Variants in TTF2 observed in about 807,000 individuals in gnomAD.
The protein encoded by TTF2 is transcription termination factor 2.
TTF2 carries 108 observed loss-of-function variants against 142.4 expected under a neutral mutation model. That is an observed-to-expected ratio of 0.76 (90% CI 0.65 to 0.89). The LOEUF (loss-of-function observed/expected upper bound fraction) is 0.89. TTF2 is among the 40% of genes least tolerant of loss of function. The pLI is 0.00. For missense variants in TTF2, 1,327 were observed against 1,379.8 expected (o/e 0.96, Z 0.61); for synonymous variants, 483 against 506.2 (o/e 0.95, Z 0.61).
chr1:117,067,768 A>G (rs1347660468), intron 3 of TTF2, among the ~76,000 whole-genome samples: 4 of 152,144 alleles, frequency 2.6e-5, no homozygotes, highest in Non-Finnish European at 5.9e-5. Flanking sequence ...CCTTTCCCTC[A>G]CATACTCTGG....
Position 117,070,976 on chromosome 1 carries a change from T to C in TTF2, c.219-2685T>C, listed in dbSNP as rs953099041. On this transcript the variant is annotated intron_variant, in intron 3 of 22. Transcript: ENST00000369466. This position sits in a 1 kb window ranked among gnomAD's most constrained non-coding sequence, Gnocchi z 4.2. ...TCATGTTGTACATCATGGGACTAAT[T>C]TAGGAAGTTAGAAAAAGAACAATAA... Among the ~76,000 whole-genome samples, 2 of 151,860 alleles carry C rather than the reference T, an allele frequency of 1.3e-5. No homozygotes were observed. The highest frequency in any genetic ancestry group is 2.9e-5 in the Non-Finnish European group (2 of 67,956).
At chr1:117,091,973 T>C in intron 17 of TTF2, 23 bp downstream of exon 17, 1 of 1,600,168 alleles carries the variant, frequency 6.2e-7, no homozygotes. Context: ...CTCAGCCTGC[T>C]GTCATATAGT....
chr1:117,095,012 A>G (rs1289667), intron 18 of TTF2, among the ~76,000 whole-genome samples: 123,887 of 152,090 alleles, frequency 0.81, 51,157 homozygotes, highest in South Asian at 0.92. Flanking sequence ...TGAGGAGGGC[A>G]TGGTGAGAAA....
Position 117,105,378 on chromosome 1 carries a change from G to A in TTF2, c.*3854G>A, listed in dbSNP as rs1445740939. ...TTGATCAAATAGGAGTATTGTGCAT[G>A]CCGCAGCTAGACAGAGTCCTGGGCC... On this transcript the variant is annotated 3_prime_UTR_variant, in exon 23 of 23. Transcript: ENST00000369466. The surrounding 1 kb of genome is among the most constrained non-coding windows in gnomAD (Gnocchi z 4.7). The A allele has an allele frequency of 6.6e-6, 1 of 152,216 alleles. No individual in the cohort carries two copies. The highest frequency in any genetic ancestry group is 1.5e-5 in the Non-Finnish European group (1 of 68,064). 9.4% of individuals were successfully genotyped at this position (152,216 alleles called of 1,614,324 possible).
chr1:117,068,519 T>C (rs1038567046), intron 3 of TTF2, among the ~76,000 whole-genome samples: 13 of 150,010 alleles, frequency 8.7e-5, no homozygotes, highest in South Asian at 8.4e-4. Context: ...ATTGTGCACA[T>C]GTACCCTAGA....
chr1:117,077,814 G>C (rs1173588477), intron 7 of TTF2, 102 bp from the exon 8 acceptor site: 13 of 1,467,778 alleles, frequency 8.9e-6, no homozygotes, highest in Non-Finnish European at 1.1e-5. Context: ...TTAACAAGGA[G>C]GGTAAGAAAC....
chr1:117,100,846 C>T lies in TTF2; in HGVS notation c.3345-534C>T, dbSNP rs373889730. Among the ~76,000 whole-genome samples the T allele has an allele frequency of 2.6e-5, 4 of 152,276 alleles. No homozygotes were observed. The East Asian group carries it at 5.8e-4, about 22-fold the overall frequency. ...ATTGTTTATTTTCATGTTTGTCTCG[C>T]TTTTGTTCTGCTTTGGAGCAAGACT... On this transcript the variant is annotated intron_variant, in intron 22 of 22. Coordinates refer to ENST00000369466, the MANE Select transcript of TTF2 (RefSeq NM_003594.4). The surrounding 1 kb of genome is among the most constrained non-coding windows in gnomAD (Gnocchi z 4.6).
intron 18 of TTF2, 25 bp from the exon 19 acceptor site, chr1:117,095,282 TAC>T: frequency 6.2e-7 from 1 of 1,613,088 alleles, no homozygotes; most frequent in Non-Finnish European, 8.5e-7. Flanking sequence ...TGCTTAAACA[TAC>T]AATGTTGATG....
intron 3 of TTF2, among the ~76,000 whole-genome samples, chr1:117,072,425 T>G (rs1409188794): frequency 6.9e-6 from 1 of 144,116 alleles, no homozygotes; most frequent in Non-Finnish European, 1.5e-5. Context: ...ATACGGACTT[T>G]TTTTTTTTTT....
At chr1:117,074,534 CT>C (rs1213460641) in intron 4 of TTF2, among the ~76,000 whole-genome samples, 2 of 152,008 alleles carry the variant, frequency 1.3e-5, no homozygotes, top group Non-Finnish European at 2.9e-5. Context: ...ACTGCTTTTA[CT>C]GTGTTTCCAT....
Position 117,075,089 on chromosome 1 carries a change from C to T in TTF2, c.505C>T (p.Gln169Ter). 1 of 1,614,020 alleles carries T rather than the reference C, an allele frequency of 6.2e-7. No individual in the cohort carries two copies. Among genetic ancestry groups the T allele is most frequent in the Non-Finnish European group, 8.5e-7 (1 of 1,179,988 alleles). Residue 169 changes from glutamine (Q) to a stop codon, truncating the protein, a stop_gained, in exon 5 of 23, where the codon CAG becomes TAG. Coordinates refer to ENST00000369466, the MANE Select transcript of TTF2 (RefSeq NM_003594.4). LOFTEE classifies it high-confidence loss of function. The surrounding 1 kb of genome is among the most constrained non-coding windows in gnomAD (Gnocchi z 4.5). Reference protein sequence around the residue: ...GDQLFDQKKEQKPEMMEKDLS... With the variant: ...GDQLFDQKKE The stretch of plus-strand genomic sequence containing the variant: ...TCAGCTTTTCGATCAAAAGAAAGAA[C>T]AGAAGCCTGAAATGATGGAGAAAGA...
Position 117,080,385 on chromosome 1 carries a change from A to C in TTF2, c.1783+736A>C, listed in dbSNP as rs1330628181. ...CTAGAGGCAACCAGTGCCACCCCAA[A>C]GTCAGTTGTTTCTATAGCCACTGTT... On this transcript the variant is annotated intron_variant, in intron 9 of 22. Coordinates refer to ENST00000369466, the MANE Select transcript of TTF2 (RefSeq NM_003594.4). The surrounding 1 kb of genome is among the most constrained non-coding windows in gnomAD (Gnocchi z 4.3). Among the ~76,000 whole-genome samples, 1 of 152,122 alleles carries C rather than the reference A, an allele frequency of 6.6e-6. No individual in the cohort carries two copies. The highest frequency in any genetic ancestry group is 1.9e-4 in the East Asian group (1 of 5,186).
chr1:117,065,004 G>A (rs889046812), intron 3 of TTF2, among the ~76,000 whole-genome samples: 3 of 152,016 alleles, frequency 2.0e-5, no homozygotes, highest in Non-Finnish European at 2.9e-5. Context: ...AATGCTTGGC[G>A]TCTTTGTAAA....
chr1:117,067,310 T>A (rs1326429577), intron 3 of TTF2, among the ~76,000 whole-genome samples: 1 of 151,936 alleles, frequency 6.6e-6, no homozygotes. Context: ...GGCCGGCGGA[T>A]CACTTGAGGC....
Position 117,076,211 on chromosome 1 carries a change from T to C in TTF2, c.1307T>C (p.Leu436Pro), listed in dbSNP as rs778957136. The C allele has an allele frequency of 6.2e-7, 1 of 1,613,990 alleles. No homozygotes were observed. The highest frequency in any genetic ancestry group is 1.1e-5 in the South Asian group (1 of 91,080). The change falls in exon 6 of 23, where the codon CTT (leucine) becomes CCT (proline). Residue 436 changes from leucine (L) to proline (P), a missense_variant. Physicochemically the swap from Leu to Pro is moderately conservative, Grantham distance 98. Transcript: ENST00000369466. The surrounding 1 kb of genome is among the most constrained non-coding windows in gnomAD (Gnocchi z 4.6). ...CTGGCATCAGTGAACATCCAGGCTC[T>C]TCCAGACAAGGGTCAGAAGTTGATC... is the stretch of plus-strand genomic sequence containing the variant. ...STLASVNIQALPDKGQKLIKQ... is the reference protein window; with the variant it reads ...STLASVNIQAPPDKGQKLIKQ...
intron 3 of TTF2, among the ~76,000 whole-genome samples, chr1:117,064,198 C>T (rs1655905072): frequency 6.6e-6 from 1 of 152,044 alleles, no homozygotes; most frequent in Non-Finnish European, 1.5e-5. Flanking sequence ...ACAAGTTAGG[C>T]CAGGCATGGT....
chr1:117,101,422 C>T lies in TTF2; in HGVS notation c.3387C>T (p.Leu1129=). The part of the protein sequence containing the change: ...EGTVEEKILQ[L]QEKKKDLAKQ... Reference sequence around the variant, plus strand: ...CAGTAGAAGAAAAGATCTTACAGCTCCAAGAAAAAAAGAAAGATTTGGCCA... The same window carrying T: ...CAGTAGAAGAAAAGATCTTACAGCTTCAAGAAAAAAAGAAAGATTTGGCCA... Residue 1129 remains leucine, a synonymous_variant, in exon 23 of 23, where the codon CTC becomes CTT. Coordinates refer to ENST00000369466, the MANE Select transcript of TTF2 (RefSeq NM_003594.4). This position sits in a 1 kb window ranked among gnomAD's most constrained non-coding sequence, Gnocchi z 5.9. 1 of 1,606,952 alleles carries T rather than the reference C, an allele frequency of 6.2e-7. No homozygotes were observed. Among genetic ancestry groups the T allele is most frequent in the Non-Finnish European group, 8.5e-7 (1 of 1,178,254 alleles).
intron 3 of TTF2, among the ~76,000 whole-genome samples, chr1:117,069,933 TGCAGA>T (rs1656447797): frequency 6.6e-6 from 1 of 152,260 alleles, no homozygotes; most frequent in Non-Finnish European, 1.5e-5. Flanking sequence ...ATAAACATAC[TGCAGA>T]AATTAATGCT....
intron 13 of TTF2, among the ~76,000 whole-genome samples, chr1:117,089,258 TGC>T (rs1648336715): frequency 7.0e-5 from 4 of 57,112 alleles, no homozygotes; most frequent in South Asian, 1.4e-3. Flanking sequence ...TGCAAATATA[TGC>T]TATATATATA....
Sources: gnomAD v4.1 joint callset for allele counts (sites outside exome capture counted in the v4.1 genomes callset) on GRCh38, gnomAD v4.1.1 for gene constraint, Gnocchi (gnomAD v3.1) non-coding constraint, MANE v1.5 for transcripts, NCBI Gene and HGNC (gene_info 2026-07-23, HGNC 2026-07-21) for gene names.